PPL: variants seen among roughly 807,000 people sequenced by gnomAD.
PPL encodes the protein 190 kDa paraneoplastic pemphigus antigen.
In PPL, 198 loss-of-function variants were observed where a neutral mutation model predicts 194.4. The ratio of observed to expected loss-of-function variants is 1.02; its 90% CI spans 0.91 to 1.15. PPL has a LOEUF of 1.15. Among genes scored for constraint, PPL ranks in the 50% most tolerant of loss-of-function variants. The probability of loss-of-function intolerance (pLI) is 0.00; values close to 1 mark genes in which losing one functional copy is unlikely to be tolerated. For synonymous variants in PPL, 1,220 were observed against 972.4 expected (o/e 1.25, Z -4.74); for missense variants, 2,885 against 2,294.8 (o/e 1.26, Z -5.25).
Position 4,892,114 on chromosome 16 carries a change from G to C in PPL, c.1750C>G (p.Pro584Ala), listed in dbSNP as rs762266362. The change falls in exon 15 of 22, where the codon CCC (proline) becomes GCC (alanine). Residue 584 changes from proline (P) to alanine (A), a missense_variant. Physicochemically the swap from Pro to Ala is conservative, Grantham distance 27. Transcript: ENST00000345988. ...IQALPGSGTT[P>A]LLRTRVEDTN... ...TCCTCCACCCGGGTCCTCAGCAGGG[G>C]TGTGGTGCCACTGCCTGGGAGGGCC... The C allele has an allele frequency of 1.4e-5, 22 of 1,613,676 alleles. No homozygotes were observed. In the African/African-American group the frequency reaches 2.8e-4, roughly 21 times the overall value.
intron 14 of PPL, 38 bp downstream of exon 14, chr16:4,893,175 C>A: frequency 6.7e-7 from 1 of 1,490,110 alleles, no homozygotes; most frequent in South Asian, 1.3e-5. Flanking sequence ...CAGTGCAGGG[C>A]TCCCCCGGCC....
At position 4,885,980 on chromosome 16, in the gene PPL, GCCT is replaced by G. The variant is rs1415860851; in HGVS notation, c.2672_2674del (p.Glu891del). 1.2e-6 allele frequency: 2 copies of G among 1,612,792 alleles called. No homozygotes were observed. Among genetic ancestry groups the G allele is most frequent in the Non-Finnish European group, 1.7e-6 (2 of 1,179,986 alleles). ...ATCCAGTTCCTTCCTGATCTTCCAC[GCCT>G]CCTCCACTCCAGAGTCCGGCCTATT... On this transcript the variant is annotated inframe_deletion, in exon 22 of 22. Coordinates refer to ENST00000345988, the MANE Select transcript of PPL (RefSeq NM_002705.5). This position sits in a 1 kb window ranked among gnomAD's most constrained non-coding sequence, Gnocchi z 6.3.
intron 21 of PPL, among the ~76,000 whole-genome samples, chr16:4,886,843 T>C (rs2088227485): frequency 6.6e-6 from 1 of 152,236 alleles, no homozygotes; most frequent in African/African-American, 2.4e-5. Flanking sequence ...GGTCTCGAAC[T>C]CCTGACCTCA....
At position 4,883,840 on chromosome 16, in the gene PPL, C is replaced by G; in HGVS notation, c.4815G>C (p.Gly1605=). The part of the protein sequence containing the change: ...DLRNMTVADS[G]TNHDSRLWSL... ...ACCACAGTCTGGAGTCATGGTTGGT[C>G]CCAGAGTCCGCCACGGTCATGTTCC... The change falls in exon 22 of 22, where the codon GGG becomes GGC. Residue 1605 remains glycine, a synonymous_variant. Transcript: ENST00000345988. The surrounding 1 kb of genome is among the most constrained non-coding windows in gnomAD (Gnocchi z 4.8). 1 of 1,614,092 alleles carries G rather than the reference C, an allele frequency of 6.2e-7. No homozygotes were observed. The highest frequency in any genetic ancestry group is 8.5e-7 in the Non-Finnish European group (1 of 1,180,036).
intron 13 of PPL, 51 bp downstream of exon 13, chr16:4,893,490 C>A (rs564919638): frequency 1.9e-6 from 3 of 1,602,506 alleles, no homozygotes; most frequent in Non-Finnish European, 2.6e-6. Flanking sequence ...CTGGTCCAGC[C>A]CCTCCTCCCC....
chr16:4,886,097 T>G (rs776683281), intron 21 of PPL, 50 bp from the exon 22 acceptor site: 2 of 1,610,228 alleles, frequency 1.2e-6, no homozygotes, highest in Admixed American at 3.4e-5. Flanking sequence ...TGGCAGCACA[T>G]GTAGGGCCTG....
intron 1 of PPL, among the ~76,000 whole-genome samples, chr16:4,922,189 C>A (rs2089063064): frequency 6.6e-6 from 1 of 152,162 alleles, no homozygotes; most frequent in Admixed American, 6.5e-5. Context: ...AATTACTTAG[C>A]CTCTCTGAGC....
intron 2 of PPL, among the ~76,000 whole-genome samples, 167 bp from the exon 3 acceptor site, chr16:4,904,207 T>C (rs749154404): frequency 2.6e-5 from 4 of 152,250 alleles, no homozygotes; most frequent in Non-Finnish European, 5.9e-5. Context: ...TCCATCTCTT[T>C]GCTGCTACGT....
At position 4,893,526 on chromosome 16, in the gene PPL, G is replaced by C; in HGVS notation, c.1492+15C>G. On this transcript the variant is annotated intron_variant, in intron 13 of 21. Transcript: ENST00000345988. ...GGTACCCCCAGAGCCTCAGGCGAGTGGCCCTGGCACCCACCTCCGGGATTC... is the reference window on the plus strand; with the variant it reads ...GGTACCCCCAGAGCCTCAGGCGAGTCGCCCTGGCACCCACCTCCGGGATTC... The C allele has an allele frequency of 6.2e-7, 1 of 1,611,504 alleles. No homozygotes were observed. Among genetic ancestry groups the C allele is most frequent in the Non-Finnish European group, 8.5e-7 (1 of 1,179,294 alleles).
At chr16:4,930,310 C>T (rs1227567472) in intron 1 of PPL, among the ~76,000 whole-genome samples, 3 of 152,154 alleles carry the variant, frequency 2.0e-5, no homozygotes, top group African/African-American at 4.8e-5. Flanking sequence ...GTGTACTCAG[C>T]CAACTCTCTG....
chr16:4,921,327 G>C lies in PPL; in HGVS notation c.63-10378C>G, dbSNP rs115415457. Among the ~76,000 whole-genome samples, 993 of 152,332 alleles carry C rather than the reference G, an allele frequency of 6.5e-3. 5 individuals are homozygous for C. The highest frequency in any genetic ancestry group is 0.023 in the African/African-American group (941 of 41,584). The stretch of plus-strand genomic sequence containing the variant: ...CCTGGGTCTGAGCCCGCAGGCTTGA[G>C]CCTGAACAGCCATCTTCTTGTGTCC... On this transcript the variant is annotated intron_variant, in intron 1 of 21. Coordinates refer to ENST00000345988, the MANE Select transcript of PPL (RefSeq NM_002705.5).
rs1339087441 is a variant in PPL, at chr16:4,894,511, A to T, written c.1350T>A (p.Phe450Leu). 1.9e-6 allele frequency: 3 copies of T among 1,613,796 alleles called. No homozygotes were observed. Among genetic ancestry groups the T allele is most frequent in the Non-Finnish European group, 2.5e-6 (3 of 1,179,970 alleles). Reference protein sequence around the residue: ...GNKLIAPAVCFVIPPTDPEAL... With the variant: ...GNKLIAPAVCLVIPPTDPEAL... ...CCTCAGGGTCTGTGGGGGGGATCAC[A>T]AAACACACGGCCGGAGCAATCAGCT... Residue 450 changes from phenylalanine to leucine, a missense_variant, in exon 12 of 22, where the codon TTT becomes TTA. Physicochemically the swap from Phe to Leu is conservative, Grantham distance 22 (BLOSUM62 0). Coordinates refer to ENST00000345988, the MANE Select transcript of PPL (RefSeq NM_002705.5).
In PPL at chr16:4,897,776, A is replaced by G. The variant is rs754128985; in HGVS notation, c.877-6T>C. On this transcript the variant is annotated splice_polypyrimidine_tract_variant and splice_region_variant and intron_variant, in intron 8 of 21. Transcript: ENST00000345988. ...TGCACAGCCTCCATGTGCGCCTGCC[A>G]GGAAGAGAAGGGGCCGGTCACCACT... 6.2e-7 allele frequency: 1 copy of G among 1,612,198 alleles called. No individual in the cohort carries two copies. The highest frequency in any genetic ancestry group is 1.7e-5 in the Admixed American group (1 of 60,004).
rs143191681 is a variant in PPL, at chr16:4,884,418, G to A, written c.4237C>T (p.Arg1413Cys). 32 of 1,604,592 alleles carry A rather than the reference G, an allele frequency of 2.0e-5. No individual in the cohort carries two copies. The highest frequency in any genetic ancestry group is 5.4e-5 in the African/African-American group (4 of 74,452). The change falls in exon 22 of 22, where the codon CGC becomes TGC. Residue 1413 changes from arginine (R) to cysteine (C), a missense_variant. Arg to Cys is a radical substitution (Grantham distance 180). Transcript: ENST00000345988. This position sits in a 1 kb window ranked among gnomAD's most constrained non-coding sequence, Gnocchi z 5.7. ...LEELERERQA[R>C]REAEREVQRL... The stretch of plus-strand genomic sequence containing the variant: ...TGTACCTCGCGCTCGGCCTCCCTGC[G>A]GGCCTGCCGCTCGCGCTCTAGCTCC...
At chr16:4,904,105 G>C (rs1596561657) in intron 2 of PPL, 65 bp from the exon 3 acceptor site, 6 of 1,526,018 alleles carry the variant, frequency 3.9e-6, no homozygotes, top group Non-Finnish European at 5.3e-6. Flanking sequence ...GGCAATGGGA[G>C]GGGTGGGAGG....
At chr16:4,897,283 C>T (rs537973740) in intron 9 of PPL, among the ~76,000 whole-genome samples, 8 of 132,202 alleles carry the variant, frequency 6.1e-5, no homozygotes, top group Admixed American at 3.6e-4. Flanking sequence ...TGTAGTGAGC[C>T]GAGATGGCAC....
At chr16:4,900,929 T>C (rs754218837) in intron 5 of PPL, 35 bp downstream of exon 5, 1 of 1,613,842 alleles carries the variant, frequency 6.2e-7, no homozygotes, top group Non-Finnish European at 8.5e-7. Context: ...GCCCCCTCCA[T>C]CCCTGGGTCC....
chr16:4,883,707 G>C lies in PPL; in HGVS notation c.4948C>G (p.Arg1650Gly). The C allele has an allele frequency of 1.2e-6, 2 of 1,613,960 alleles. No homozygotes were observed. Among genetic ancestry groups the C allele is most frequent in the Non-Finnish European group, 8.5e-7 (1 of 1,179,998 alleles). ...LGSVAVKREQRENHLRRSIVV... is the reference protein window; with the variant it reads ...LGSVAVKREQGENHLRRSIVV... ...ATGGAGCGCCGCAGGTGGTTCTCCC[G>C]CTGCTCCCGCTTGACGGCCACGGAG... The change falls in exon 22 of 22, where the codon CGG becomes GGG. Residue 1650 changes from arginine to glycine, a missense_variant. Coordinates refer to ENST00000345988, the MANE Select transcript of PPL (RefSeq NM_002705.5). This position sits in a 1 kb window ranked among gnomAD's most constrained non-coding sequence, Gnocchi z 4.8.
chr16:4,883,200 G>T lies in PPL; in HGVS notation c.*184C>A. The T allele has an allele frequency of 1.4e-6, 1 of 716,676 alleles. No individual in the cohort carries two copies. Among genetic ancestry groups the T allele is most frequent in the Non-Finnish European group, 2.3e-6 (1 of 436,458 alleles). 44.4% of individuals were successfully genotyped at this position (716,676 alleles called of 1,614,324 possible). On this transcript the variant is annotated 3_prime_UTR_variant, in exon 22 of 22. Coordinates refer to ENST00000345988, the MANE Select transcript of PPL (RefSeq NM_002705.5). This position sits in a 1 kb window ranked among gnomAD's most constrained non-coding sequence, Gnocchi z 4.8. ...TCAGGGTGAATGATGGTTGGGACGAGAGTTGCCTGTCTTCAGCCAGTGCCT... is the reference window on the plus strand; with the variant it reads ...TCAGGGTGAATGATGGTTGGGACGATAGTTGCCTGTCTTCAGCCAGTGCCT...
Sources: allele counts gnomAD v4.1 joint callset (sites outside exome capture counted in the v4.1 genomes callset), GRCh38; gene constraint gnomAD v4.1.1; non-coding constraint Gnocchi (gnomAD v3.1); transcripts MANE v1.5; gene names NCBI Gene and HGNC (gene_info 2026-07-23, HGNC 2026-07-21).